ATP8A2: variants seen among roughly 807,000 people sequenced by gnomAD.
ATP8A2 encodes phospholipid-transporting ATPase IB.
A neutral mutation model predicts 165.6 loss-of-function variants in ATP8A2; 100 were observed. The ratio of observed to expected loss-of-function variants is 0.60; its 90% CI spans 0.51 to 0.71. ATP8A2 has a LOEUF of 0.71. Ranked by LOEUF, ATP8A2 falls within the 30% of genes least tolerant of loss-of-function variation. The probability of loss-of-function intolerance (pLI) is 0.00; values close to 1 mark genes in which losing one functional copy is unlikely to be tolerated. For synonymous variants in ATP8A2, 543 were observed against 548.8 expected, an observed-to-expected ratio of 0.99 and a Z score of 0.15; for missense variants, 1,227 against 1,479.5, an observed-to-expected ratio of 0.83 and a Z score of 2.80.
chr13:25,711,558 A>G (rs1013516840), intron 25 of ATP8A2, among the ~76,000 whole-genome samples: 2 of 148,306 alleles, frequency 1.3e-5, no homozygotes, highest in Admixed American at 6.7e-5. Flanking sequence ...TTTAAAAAAA[A>G]AAAATTTTTT....
chr13:25,658,078 C>A (rs1340034697), intron 24 of ATP8A2, among the ~76,000 whole-genome samples: 3 of 152,058 alleles, frequency 2.0e-5, no homozygotes, highest in Non-Finnish European at 4.4e-5. Context: ...GTAGATTGGG[C>A]AACTTGGCAC....
intron 25 of ATP8A2, among the ~76,000 whole-genome samples, chr13:25,720,948 G>A (rs367899976): frequency 6.7e-6 from 1 of 150,266 alleles, no homozygotes; most frequent in African/African-American, 2.5e-5. Flanking sequence ...GGTCTGAGCT[G>A]TGGGAGCTTT....
chr13:25,515,878 G>A (rs952562159), intron 2 of ATP8A2, among the ~76,000 whole-genome samples: 1 of 152,104 alleles, frequency 6.6e-6, no homozygotes, highest in Admixed American at 6.5e-5. Context: ...TGTACACTTT[G>A]GTTTTGTGCA....
chr13:25,978,911 G>T (rs545845287), intron 35 of ATP8A2, among the ~76,000 whole-genome samples: 1 of 152,230 alleles, frequency 6.6e-6, no homozygotes, highest in African/African-American at 2.4e-5. Flanking sequence ...CTGCACTCCA[G>T]CCTGGGCGAC....
chr13:25,377,346 C>T (rs1336013664), intron 1 of ATP8A2, among the ~76,000 whole-genome samples: 1 of 152,212 alleles, frequency 6.6e-6, no homozygotes, highest in Non-Finnish European at 1.5e-5. Context: ...AGTGATCTCA[C>T]TTCCATGCCT....
At chr13:25,817,571 C>G (rs181540550) in intron 27 of ATP8A2, among the ~76,000 whole-genome samples, 136 of 152,260 alleles carry the variant, frequency 8.9e-4, no homozygotes, top group African/African-American at 3.2e-3. Context: ...AAATGCCAGA[C>G]TAAAGTAAAA....
At chr13:25,986,046 G>A (rs982107078) in intron 35 of ATP8A2, among the ~76,000 whole-genome samples, 4 of 152,174 alleles carry the variant, frequency 2.6e-5, no homozygotes, top group Admixed American at 6.5e-5. Context: ...ACCCACTGAG[G>A]ACTGTCATTC....
chr13:25,791,956 C>G (rs2045191283), intron 27 of ATP8A2, among the ~76,000 whole-genome samples: 1 of 152,110 alleles, frequency 6.6e-6, no homozygotes, highest in African/African-American at 2.4e-5. Context: ...AACCTAGCCA[C>G]CTTCTATTTG....
At chr13:25,840,088 G>A (rs533828070) in intron 30 of ATP8A2, among the ~76,000 whole-genome samples, 78 of 152,056 alleles carry the variant, frequency 5.1e-4, no homozygotes, top group Admixed American at 3.1e-3. Context: ...CTTGATGTAC[G>A]CCTTTTGAAA....
intron 24 of ATP8A2, among the ~76,000 whole-genome samples, chr13:25,640,721 A>G (rs1296911463): frequency 6.6e-6 from 1 of 152,248 alleles, no homozygotes; most frequent in East Asian, 1.9e-4. Flanking sequence ...TCCAATCAAT[A>G]GAAAAAGAGG....
intron 25 of ATP8A2, among the ~76,000 whole-genome samples, chr13:25,724,256 A>G (rs2043446841): frequency 6.6e-6 from 1 of 152,202 alleles, no homozygotes; most frequent in African/African-American, 2.4e-5. Context: ...ATGATCAGGA[A>G]CTTCCAGAAG....
chr13:25,557,967 G>A (rs1275964167), intron 13 of ATP8A2, among the ~76,000 whole-genome samples: 2 of 151,774 alleles, frequency 1.3e-5, no homozygotes, highest in African/African-American at 4.8e-5. Flanking sequence ...GCAATGGTGC[G>A]ATCTCGGCTC....
At chr13:25,762,220 GATCA>G (rs2044394043) in intron 25 of ATP8A2, among the ~76,000 whole-genome samples, 4 of 118,780 alleles carry the variant, frequency 3.4e-5, no homozygotes, top group Non-Finnish European at 6.4e-5. Context: ...AGTGAGCCAA[GATCA>G]TTCCATTGCA....
chr13:26,002,303 A>T (rs1956642511), intron 35 of ATP8A2, among the ~76,000 whole-genome samples: 1 of 152,108 alleles, frequency 6.6e-6, no homozygotes, highest in African/African-American at 2.4e-5. Context: ...ATTCTGAGAA[A>T]ACTATCACAA....
intron 28 of ATP8A2, among the ~76,000 whole-genome samples, chr13:25,830,741 A>G (rs1043811312): frequency 9.2e-5 from 14 of 152,354 alleles, no homozygotes; most frequent in African/African-American, 3.4e-4. Flanking sequence ...CTCTTTCTCC[A>G]TACTTGTACG....
intron 1 of ATP8A2, among the ~76,000 whole-genome samples, chr13:25,415,826 A>G (rs2034117141): frequency 6.6e-6 from 1 of 151,548 alleles, no homozygotes; most frequent in South Asian, 2.1e-4. Context: ...GTCCCTCTCT[A>G]TCCACTTATC....
At chr13:25,651,857 T>C (rs984284986) in intron 24 of ATP8A2, among the ~76,000 whole-genome samples, 2 of 152,198 alleles carry the variant, frequency 1.3e-5, no homozygotes, top group African/African-American at 4.8e-5. Context: ...TCTCTGTTTT[T>C]CTTTAATTTT....
At chr13:25,527,931 A>C (rs2037893723) in intron 2 of ATP8A2, among the ~76,000 whole-genome samples, 1 of 151,908 alleles carries the variant, frequency 6.6e-6, no homozygotes, top group Admixed American at 6.6e-5. Flanking sequence ...TAGTTTCTAC[A>C]CTCTTATTTT....
At chr13:25,641,450 A>G (rs1176023134) in intron 24 of ATP8A2, among the ~76,000 whole-genome samples, 2 of 152,186 alleles carry the variant, frequency 1.3e-5, no homozygotes, top group East Asian at 3.8e-4. Flanking sequence ...AAGCATTCCT[A>G]TACACCAATA....
Sources: allele counts gnomAD v4.1 joint callset (sites outside exome capture counted in the v4.1 genomes callset), GRCh38; gene constraint gnomAD v4.1.1; transcripts MANE v1.5; gene names NCBI Gene and HGNC (gene_info 2026-07-23, HGNC 2026-07-21).